Variants in GRM7 observed in about 807,000 individuals in gnomAD.
The protein encoded by GRM7 is glutamate metabotropic receptor 7.
Under a neutral mutation model 84.5 loss-of-function variants are expected in GRM7, and 35 were observed. The ratio of observed to expected loss-of-function variants is 0.41; its 90% CI spans 0.32 to 0.55. The LOEUF is 0.55. Among genes scored for constraint, GRM7 ranks in the 20% least tolerant of loss-of-function variants. GRM7 has a pLI of 0.19. For synonymous variants in GRM7, 487 were observed against 455.1 expected (o/e 1.07, Z -0.89); for missense variants, 1,003 against 1,194.6 (o/e 0.84, Z 2.36).
intron 1 of GRM7, among the ~76,000 whole-genome samples, chr3:7,115,942 T>G (rs1011931935): frequency 1.3e-5 from 2 of 152,176 alleles, no homozygotes; most frequent in African/African-American, 4.8e-5. Flanking sequence ...TTACCTTTTA[T>G]AGACATTGCC....
chr3:7,559,465 C>T (rs1424798672), intron 7 of GRM7: 1 of 152,056 alleles, frequency 6.6e-6, no homozygotes, highest in Non-Finnish European at 1.5e-5. Flanking sequence ...CACATAAAAA[C>T]CACATAGGAA....
intron 1 of GRM7, among the ~76,000 whole-genome samples, chr3:7,068,238 G>T (rs1187643774): frequency 6.7e-6 from 1 of 148,840 alleles, no homozygotes; most frequent in Non-Finnish European, 1.5e-5. Flanking sequence ...ACTGAGCAAA[G>T]GAAAAATGAT....
chr3:7,298,630 C>T, intron 2 of GRM7, 54 bp from the exon 3 acceptor site: 1 of 1,524,556 alleles, frequency 6.6e-7, no homozygotes. Flanking sequence ...TCCTTGGCTC[C>T]TTTGACATCT....
At position 7,461,737 on chromosome 3, in the gene GRM7, C is replaced by A. The variant is rs769424452; in HGVS notation, c.1515+15C>A. The A allele has an allele frequency of 6.2e-7, 1 of 1,610,292 alleles. No homozygotes were observed. Among genetic ancestry groups the A allele is most frequent in the South Asian group, 1.1e-5 (1 of 90,936 alleles). On this transcript the variant is annotated intron_variant, in intron 7 of 9. Coordinates refer to ENST00000357716, the MANE Select transcript of GRM7 (RefSeq NM_000844.4). ...TTCAGCTCAATGTGAGTTCTGCTTG[C>A]TTCTCTTCTTCCCTTGTTGAGATGA...
intron 4 of GRM7, among the ~76,000 whole-genome samples, chr3:7,370,396 T>C (rs1212486331): frequency 6.6e-6 from 1 of 152,152 alleles, no homozygotes; most frequent in Non-Finnish European, 1.5e-5. Context: ...AATCTCATCT[T>C]GAATTGTAGT....
chr3:7,341,320 G>A (rs1692614655), intron 4 of GRM7, among the ~76,000 whole-genome samples: 1 of 151,960 alleles, frequency 6.6e-6, no homozygotes, highest in African/African-American at 2.4e-5. Context: ...GATTGTGTGT[G>A]TGTGCAGGGG....
At chr3:7,503,509 A>G (rs1434099540) in intron 7 of GRM7, among the ~76,000 whole-genome samples, 2 of 152,042 alleles carry the variant, frequency 1.3e-5, no homozygotes, top group Non-Finnish European at 2.9e-5. Context: ...CATACCCACT[A>G]TTTGGCACTT....
chr3:7,262,942 C>T (rs1316418370), intron 2 of GRM7, among the ~76,000 whole-genome samples: 2 of 104 alleles, frequency 0.019, no homozygotes, highest in South Asian at 0.5. Flanking sequence ...AGGTGATCCA[C>T]CCACCATGCC....
Position 7,680,408 on chromosome 3 carries a change from C to T in GRM7, c.2698+113C>T, listed in dbSNP as rs566939038. 2.9e-5 allele frequency: 33 copies of T among 1,135,122 alleles called. No individual in the cohort carries two copies. The East Asian group carries it at 7.6e-4, about 26-fold the overall frequency. 70.3% of individuals were successfully genotyped at this position (1,135,122 alleles called of 1,614,324 possible). On this transcript the variant is annotated intron_variant, in intron 9 of 9. Coordinates refer to ENST00000357716, the MANE Select transcript of GRM7 (RefSeq NM_000844.4). The stretch of plus-strand genomic sequence containing the variant: ...ACTGTGATCGTTCTTGTCTTATGGG[C>T]TGGGTTGCCTTGGTGAATGCCAGCT...
chr3:6,938,267 C>A (rs1697759315), intron 1 of GRM7, among the ~76,000 whole-genome samples: 1 of 152,222 alleles, frequency 6.6e-6, no homozygotes, highest in Non-Finnish European at 1.5e-5. Context: ...TTGTTATTAT[C>A]AACTTCTTTC....
chr3:7,185,425 A>G (rs922574573), intron 2 of GRM7, among the ~76,000 whole-genome samples: 4 of 152,142 alleles, frequency 2.6e-5, no homozygotes, highest in Non-Finnish European at 5.9e-5. Context: ...GCTCAAGACA[A>G]TCTATACCCA....
At chr3:7,476,915 C>T (rs376060276) in intron 7 of GRM7, among the ~76,000 whole-genome samples, 2 of 152,324 alleles carry the variant, frequency 1.3e-5, no homozygotes, top group East Asian at 3.9e-4. Context: ...GGACACATTT[C>T]ACCTTACTTG....
At chr3:7,516,499 A>G (rs1251411910) in intron 7 of GRM7, among the ~76,000 whole-genome samples, 9 of 149,204 alleles carry the variant, frequency 6.0e-5, no homozygotes, top group Admixed American at 2.7e-4. Flanking sequence ...AAAAAAAAAA[A>G]AAAAAAGAAA....
At chr3:7,509,873 C>T (rs1324151915) in intron 7 of GRM7, among the ~76,000 whole-genome samples, 1 of 151,918 alleles carries the variant, frequency 6.6e-6, no homozygotes, top group Non-Finnish European at 1.5e-5. Context: ...GATATAGAAT[C>T]ACCAGTGAAG....
At chr3:7,106,233 T>C (rs1333171489) in intron 1 of GRM7, among the ~76,000 whole-genome samples, 1 of 151,656 alleles carries the variant, frequency 6.6e-6, no homozygotes, top group Non-Finnish European at 1.5e-5. Flanking sequence ...AAGCAAAATT[T>C]GAAAAGGTCA....
chr3:7,683,691 T>C (rs1268266601), intron 9 of GRM7, among the ~76,000 whole-genome samples: 2 of 152,246 alleles, frequency 1.3e-5, no homozygotes, highest in Admixed American at 1.3e-4. Context: ...CACATGTGGC[T>C]ATTGAACATT....
chr3:7,350,054 G>T (rs1693067673), intron 4 of GRM7, among the ~76,000 whole-genome samples: 1 of 152,046 alleles, frequency 6.6e-6, no homozygotes, highest in African/African-American at 2.4e-5. Flanking sequence ...CGTGTAGCAG[G>T]TCATTGCTGG....
intron 1 of GRM7, among the ~76,000 whole-genome samples, chr3:6,949,608 G>A (rs927161934): frequency 6.6e-6 from 1 of 151,638 alleles, no homozygotes; most frequent in African/African-American, 2.4e-5. Context: ...GGCCTGACTT[G>A]CTAGATTGGG....
At chr3:7,147,476 C>A (rs904318629) in intron 2 of GRM7, among the ~76,000 whole-genome samples, 4 of 152,076 alleles carry the variant, frequency 2.6e-5, no homozygotes, top group African/African-American at 9.7e-5. Context: ...GTAAGCATTT[C>A]ATGCAATTTA....
Sources: allele counts gnomAD v4.1 joint callset (sites outside exome capture counted in the v4.1 genomes callset), GRCh38; gene constraint gnomAD v4.1.1; transcripts MANE v1.5; gene names NCBI Gene and HGNC (gene_info 2026-07-23, HGNC 2026-07-21).